SUCLG2: variants seen among roughly 807,000 people sequenced by gnomAD.
The protein encoded by SUCLG2 is succinate--CoA ligase [GDP-forming] subunit beta, mitochondrial.
In SUCLG2, 42 loss-of-function variants were observed where a neutral mutation model predicts 47.9. That is an observed-to-expected ratio of 0.88 (90% confidence interval 0.69 to 1.14). SUCLG2 has a LOEUF of 1.14. SUCLG2 is among the 50% of genes most tolerant of loss of function. SUCLG2 has a pLI of 0.00. For missense variants in SUCLG2, 571 were observed against 525.9 expected, an observed-to-expected ratio of 1.09 and a Z score of -0.84; for synonymous variants, 195 against 197.3, an observed-to-expected ratio of 0.99 and a Z score of 0.10.
chr3:67,384,350 A>C (rs1470614991), intron 10 of SUCLG2, among the ~76,000 whole-genome samples: 1 of 152,214 alleles, frequency 6.6e-6, no homozygotes, highest in African/African-American at 2.4e-5. Context: ...AGGGATCTGC[A>C]AGCTATAGCT....
intron 10 of SUCLG2, among the ~76,000 whole-genome samples, chr3:67,365,887 A>T (rs959243458): frequency 1.3e-5 from 2 of 152,212 alleles, no homozygotes; most frequent in African/African-American, 2.4e-5. Context: ...TGCGTATTTA[A>T]AGGAGTTTCA....
chr3:67,575,170 C>T (rs1707713461), intron 2 of SUCLG2, among the ~76,000 whole-genome samples: 1 of 152,116 alleles, frequency 6.6e-6, no homozygotes. Flanking sequence ...AACCATAGAG[C>T]TAATATCATC....
At chr3:67,495,042 T>C (rs994414374) in intron 9 of SUCLG2, among the ~76,000 whole-genome samples, 1 of 152,272 alleles carries the variant, frequency 6.6e-6, no homozygotes, top group African/African-American at 2.4e-5. Context: ...TTAGAAAGCA[T>C]ACAAAAGAAG....
intron 9 of SUCLG2, among the ~76,000 whole-genome samples, chr3:67,486,340 T>A (rs1575728721): frequency 6.6e-6 from 1 of 152,142 alleles, no homozygotes; most frequent in Non-Finnish European, 1.5e-5. Flanking sequence ...CTCTATCATA[T>A]AATCTATGAA....
At chr3:67,630,047 G>C (rs1275212738) in intron 1 of SUCLG2, among the ~76,000 whole-genome samples, 1 of 151,816 alleles carries the variant, frequency 6.6e-6, no homozygotes, top group Admixed American at 6.6e-5. Context: ...CTTATAAAAG[G>C]ATTCTTATGC....
intron 9 of SUCLG2, among the ~76,000 whole-genome samples, chr3:67,447,553 C>G (rs941410296): frequency 8.5e-5 from 13 of 152,214 alleles, no homozygotes; most frequent in African/African-American, 2.6e-4. Context: ...ATACAATACA[C>G]TGAATGGATA....
chr3:67,537,982 T>G (rs1199219869), intron 2 of SUCLG2, among the ~76,000 whole-genome samples: 1 of 152,224 alleles, frequency 6.6e-6, no homozygotes, highest in Non-Finnish European at 1.5e-5. Flanking sequence ...CTTTGTCAGA[T>G]GGATAGACTG....
chr3:67,546,146 TATAA>T (rs1706857673), intron 2 of SUCLG2, among the ~76,000 whole-genome samples: 1 of 152,192 alleles, frequency 6.6e-6, no homozygotes, highest in Admixed American at 6.5e-5. Flanking sequence ...GGCCAAGTGT[TATAA>T]ATGGGAAATG....
chr3:67,567,361 T>A (rs758920056), intron 2 of SUCLG2, among the ~76,000 whole-genome samples: 1 of 151,820 alleles, frequency 6.6e-6, no homozygotes, highest in Non-Finnish European at 1.5e-5. Flanking sequence ...AGTGATGTAA[T>A]CATGGCTCAC....
intron 9 of SUCLG2, among the ~76,000 whole-genome samples, chr3:67,432,624 T>A (rs1216238222): frequency 6.6e-6 from 1 of 152,226 alleles, no homozygotes; most frequent in Non-Finnish European, 1.5e-5. Context: ...ATTCTTCTTG[T>A]GACCTCTCCC....
chr3:67,441,365 T>TAA (rs35082631), intron 9 of SUCLG2, among the ~76,000 whole-genome samples: 4 of 140,492 alleles, frequency 2.8e-5, no homozygotes, highest in African/African-American at 7.8e-5. Flanking sequence ...TCTCAGAACT[T>TAA]AAAAAAAAAA....
intron 10 of SUCLG2, among the ~76,000 whole-genome samples, chr3:67,380,330 T>A (rs2101567): frequency 0.9 from 136,739 of 152,038 alleles, 61,625 homozygotes; most frequent in East Asian, 1. Context: ...AGTGCCCCAG[T>A]CAAGTGAGGC....
intron 9 of SUCLG2, among the ~76,000 whole-genome samples, chr3:67,425,117 T>A (rs143839110): frequency 6.6e-6 from 1 of 152,344 alleles, no homozygotes; most frequent in Non-Finnish European, 1.5e-5. Context: ...AAGATTACTA[T>A]GATTTATGGC....
intron 9 of SUCLG2, among the ~76,000 whole-genome samples, chr3:67,455,700 T>C (rs7645087): frequency 0.71 from 107,151 of 151,828 alleles, 38,070 homozygotes; most frequent in Admixed American, 0.76. Context: ...AAAAAAACAC[T>C]GATGGGACAA....
chr3:67,647,449 C>T (rs1403575557), intron 1 of SUCLG2, among the ~76,000 whole-genome samples: 1 of 152,186 alleles, frequency 6.6e-6, no homozygotes, highest in Non-Finnish European at 1.5e-5. Context: ...TCCCCCAAAG[C>T]CCACTCTGCA....
intron 10 of SUCLG2, among the ~76,000 whole-genome samples, chr3:67,397,543 T>G (rs1702574347): frequency 1.3e-5 from 2 of 152,152 alleles, no homozygotes; most frequent in Admixed American, 1.3e-4. Flanking sequence ...TGGAAGAACA[T>G]TCCATGCTCA....
intron 9 of SUCLG2, among the ~76,000 whole-genome samples, chr3:67,430,347 G>A (rs9880590): frequency 0.79 from 120,230 of 151,968 alleles, 47,813 homozygotes; most frequent in Admixed American, 0.87. Context: ...CTCCTGAGTG[G>A]CTACTGGGTA....
At chr3:67,490,071 T>C (rs1201353493) in intron 9 of SUCLG2, among the ~76,000 whole-genome samples, 1 of 152,324 alleles carries the variant, frequency 6.6e-6, no homozygotes, top group East Asian at 1.9e-4. Context: ...TCACATTCTT[T>C]TGATGGAGCC....
chr3:67,569,509 G>C (rs1250214289), intron 2 of SUCLG2, among the ~76,000 whole-genome samples: 2 of 152,256 alleles, frequency 1.3e-5, no homozygotes, highest in Non-Finnish European at 2.9e-5. Context: ...AGTGGGCCCA[G>C]AGGCAGAGCA....
Sources: allele counts gnomAD v4.1 joint callset (sites outside exome capture counted in the v4.1 genomes callset), GRCh38; gene constraint gnomAD v4.1.1; transcripts MANE v1.5; gene names NCBI Gene and HGNC (gene_info 2026-07-23, HGNC 2026-07-21).